Variants in PDGFD observed in about 807,000 individuals in gnomAD.
PDGFD encodes the protein platelet derived growth factor D, also known as platelet-derived growth factor D.
A neutral mutation model predicts 44.7 loss-of-function variants in PDGFD; 30 were observed. That is an observed-to-expected ratio of 0.67 (90% confidence interval 0.50 to 0.91). The LOEUF is 0.91. Ranked by LOEUF, PDGFD falls within the 40% of genes least tolerant of loss-of-function variation. The probability of loss-of-function intolerance (pLI) is 0.00; values close to 1 mark genes in which losing one functional copy is unlikely to be tolerated. For missense variants in PDGFD, 445 were observed against 457.8 expected (o/e 0.97, Z 0.25); for synonymous variants, 173 against 168.4 (o/e 1.03, Z -0.21).
intron 1 of PDGFD, among the ~76,000 whole-genome samples, chr11:104,047,728 C>A (rs1224991623): frequency 8.5e-6 from 1 of 117,984 alleles, no homozygotes; most frequent in Non-Finnish European, 2.0e-5. Flanking sequence ...TTTCAAATTT[C>A]CACTCCACTA....
chr11:103,974,820 T>G (rs761685220), intron 3 of PDGFD, among the ~76,000 whole-genome samples: 6 of 152,176 alleles, frequency 3.9e-5, no homozygotes, highest in Non-Finnish European at 5.9e-5. Flanking sequence ...GCAAAAGACA[T>G]GAACACATTA....
intron 3 of PDGFD, among the ~76,000 whole-genome samples, chr11:103,976,292 C>T (rs551170973): frequency 4.6e-5 from 7 of 152,074 alleles, no homozygotes; most frequent in East Asian, 1.9e-4. Context: ...CTCTTTGTAG[C>T]GATTGTGAAT....
chr11:103,965,328 G>A (rs573687805), intron 3 of PDGFD, among the ~76,000 whole-genome samples: 11 of 152,254 alleles, frequency 7.2e-5, no homozygotes, highest in South Asian at 2.1e-4. Context: ...AAGATGTTAA[G>A]GGACTTAAGT....
intron 1 of PDGFD, among the ~76,000 whole-genome samples, chr11:104,050,097 A>C (rs1001195605): frequency 4.6e-5 from 7 of 152,180 alleles, no homozygotes; most frequent in Non-Finnish European, 8.8e-5. Flanking sequence ...TTATATGTCC[A>C]GTGGGAGGGA....
At position 103,907,575 on chromosome 11, in the gene PDGFD, T is replaced by C. The variant is rs1857955302; in HGVS notation, c.*2119A>G. ...GTGAGTGAATATGCCTGCTTACATT[T>C]CAGCTAATAAATAAAAAGTGCAGAT... On this transcript the variant is annotated 3_prime_UTR_variant, in exon 7 of 7. Transcript: ENST00000393158. 1 of 152,210 alleles carries C rather than the reference T, an allele frequency of 6.6e-6. No homozygotes were observed. The highest frequency in any genetic ancestry group is 2.1e-4 in the South Asian group (1 of 4,832). The allele number at this position is 152,210 out of a possible 1,614,324, so 9.4% of individuals were successfully genotyped here.
intron 1 of PDGFD, among the ~76,000 whole-genome samples, chr11:104,127,305 T>G (rs1288894894): frequency 1.3e-5 from 2 of 152,144 alleles, no homozygotes; most frequent in Non-Finnish European, 2.9e-5. Flanking sequence ...ATCCCACCCA[T>G]CGACCTTCTG....
At chr11:103,930,522 T>C (rs2134313376) in intron 5 of PDGFD, among the ~76,000 whole-genome samples, 1 of 149,324 alleles carries the variant, frequency 6.7e-6, no homozygotes, top group South Asian at 2.1e-4. Flanking sequence ...ACTTTTGCAG[T>C]TGAGGAAACT....
rs544786260 is a variant in PDGFD, at chr11:104,072,775, T to C, written c.125-72520A>G. Among the ~76,000 whole-genome samples, 695 of 152,110 alleles carry C rather than the reference T, an allele frequency of 4.6e-3. 7 individuals are homozygous for C. The highest frequency in any genetic ancestry group is 0.016 in the African/African-American group (663 of 41,536). ...TATTTTGAGTTTCGTTTTCCTGAAA[T>C]GGGTGTTAAATTTGTCAGAAGCTTT... is the stretch of plus-strand genomic sequence containing the variant. On this transcript the variant is annotated intron_variant, in intron 1 of 6. Transcript: ENST00000393158.
chr11:103,918,115 G>T (rs946012016), intron 6 of PDGFD, among the ~76,000 whole-genome samples: 1 of 152,164 alleles, frequency 6.6e-6, no homozygotes, highest in Non-Finnish European at 1.5e-5. Flanking sequence ...AAGTTGGCAG[G>T]GGGTGGAGGA....
At chr11:104,086,251 G>C (rs1344783806) in intron 1 of PDGFD, among the ~76,000 whole-genome samples, 1 of 152,144 alleles carries the variant, frequency 6.6e-6, no homozygotes, top group African/African-American at 2.4e-5. Context: ...GAGAAGGAAA[G>C]AGGGAAAACT....
intron 1 of PDGFD, among the ~76,000 whole-genome samples, chr11:104,019,037 TCTC>T (rs1377908146): frequency 1.3e-5 from 2 of 152,196 alleles, no homozygotes; most frequent in Non-Finnish European, 2.9e-5. Context: ...TCACCCTCTA[TCTC>T]CTCACCAGGA....
intron 1 of PDGFD, among the ~76,000 whole-genome samples, chr11:104,105,424 A>G (rs1325447578): frequency 3.3e-5 from 5 of 152,214 alleles, no homozygotes; most frequent in African/African-American, 7.2e-5. Flanking sequence ...AGATGAAGGC[A>G]TTAAAGTTGA....
chr11:104,044,597 A>T (rs1860410064), intron 1 of PDGFD, among the ~76,000 whole-genome samples: 1 of 152,106 alleles, frequency 6.6e-6, no homozygotes, highest in Admixed American at 6.5e-5. Flanking sequence ...ATTTGCATGT[A>T]TAAATGTACA....
chr11:104,035,247 T>C (rs1860207066), intron 1 of PDGFD, among the ~76,000 whole-genome samples: 1 of 152,200 alleles, frequency 6.6e-6, no homozygotes, highest in Non-Finnish European at 1.5e-5. Context: ...TATATCCCAT[T>C]TTAGAGACCC....
chr11:104,159,602 G>C (rs1490849618), intron 1 of PDGFD, among the ~76,000 whole-genome samples: 1 of 152,118 alleles, frequency 6.6e-6, no homozygotes, highest in East Asian at 1.9e-4. Flanking sequence ...TATGCTCAGA[G>C]TTCTGCGTGA....
chr11:104,078,759 A>C (rs2134426893), intron 1 of PDGFD, among the ~76,000 whole-genome samples: 1 of 152,234 alleles, frequency 6.6e-6, no homozygotes, highest in South Asian at 2.1e-4. Flanking sequence ...TTTTACCTAA[A>C]ATGGTCTTTA....
intron 6 of PDGFD, among the ~76,000 whole-genome samples, chr11:103,914,778 C>T (rs895226921): frequency 1.3e-5 from 2 of 152,144 alleles, no homozygotes; most frequent in Non-Finnish European, 2.9e-5. Flanking sequence ...CCCTGGGATG[C>T]AAGGCTGGTT....
At chr11:104,091,858 G>GT (rs1284680030) in intron 1 of PDGFD, among the ~76,000 whole-genome samples, 1 of 152,152 alleles carries the variant, frequency 6.6e-6, no homozygotes. Context: ...TGAGTAAGCT[G>GT]TCAGAAATAA....
At chr11:104,043,753 G>A (rs773124991) in intron 1 of PDGFD, among the ~76,000 whole-genome samples, 1 of 152,106 alleles carries the variant, frequency 6.6e-6, no homozygotes, top group Non-Finnish European at 1.5e-5. Context: ...GAGAGAGGCA[G>A]CAAGAGAGCC....
Sources: allele counts gnomAD v4.1 joint callset (sites outside exome capture counted in the v4.1 genomes callset), GRCh38; gene constraint gnomAD v4.1.1; transcripts MANE v1.5; gene names NCBI Gene and HGNC (gene_info 2026-07-23, HGNC 2026-07-21).